PPM1D: variants seen among roughly 807,000 people sequenced by gnomAD.
PPM1D encodes the protein protein phosphatase 1D.
Under a neutral mutation model 58.3 loss-of-function variants are expected in PPM1D, and 52 were observed. The observed-to-expected ratio is 0.89, with a 90% CI of 0.71 to 1.12. PPM1D has a LOEUF of 1.12. PPM1D is among the 50% of genes most tolerant of loss of function. The pLI, the probability that PPM1D is intolerant of heterozygous loss-of-function variation, is 0.00. For missense variants in PPM1D, 564 were observed against 777.2 expected, an observed-to-expected ratio of 0.73 and a Z score of 3.26; for synonymous variants, 278 against 285.1, an observed-to-expected ratio of 0.98 and a Z score of 0.25.
rs201407170 is a variant in PPM1D, at chr17:60,625,152, AAAAAT to A, written c.701+1417_701+1421del. ...GCGAGACTCCATCTCTTAAAAAAAT[AAAAAT>A]AAAATAAAATAAAGTACTAAGGTGC... On this transcript the variant is annotated intron_variant, in intron 2 of 5. Coordinates refer to ENST00000305921, the MANE Select transcript of PPM1D (RefSeq NM_003620.4). Among the ~76,000 whole-genome samples, 1,497 of 152,298 alleles carry A rather than the reference AAAAAT, an allele frequency of 9.8e-3. 14 individuals are homozygous for A. The highest frequency in any genetic ancestry group is 0.032 in the African/African-American group (1,318 of 41,536).
intron 1 of PPM1D, among the ~76,000 whole-genome samples, chr17:60,615,070 G>C (rs2030554666): frequency 6.6e-6 from 1 of 152,084 alleles, no homozygotes; most frequent in African/African-American, 2.4e-5. Context: ...ATTGGTTTTT[G>C]CCTTTATGAC....
intron 1 of PPM1D, among the ~76,000 whole-genome samples, chr17:60,602,121 C>G (rs1404180379): frequency 6.6e-6 from 1 of 152,234 alleles, no homozygotes; most frequent in East Asian, 1.9e-4. Flanking sequence ...GACTCAAAAA[C>G]CAGCCACTAG....
chr17:60,614,738 G>A (rs2030545580), intron 1 of PPM1D, among the ~76,000 whole-genome samples: 1 of 152,126 alleles, frequency 6.6e-6, no homozygotes, highest in Admixed American at 6.5e-5. Context: ...CCACCAGAAG[G>A]AACGAACAAC....
At chr17:60,624,487 G>T (rs1165003374) in intron 2 of PPM1D, among the ~76,000 whole-genome samples, 4 of 152,058 alleles carry the variant, frequency 2.6e-5, no homozygotes, top group Non-Finnish European at 4.4e-5. Context: ...GACAAACTAA[G>T]GAAAATAATT....
chr17:60,663,507 A>G lies in PPM1D; in HGVS notation c.1773A>G (p.Gly591=). Residue 591 remains glycine (G), a synonymous_variant, in exon 6 of 6, where the codon GGA becomes GGG. Coordinates refer to ENST00000305921, the MANE Select transcript of PPM1D (RefSeq NM_003620.4). The part of the protein sequence containing the change: ...RRRLRGQKKI[G]NPLLHQHRKT... The stretch of plus-strand genomic sequence containing the variant: ...GACTTAGGGGCCAGAAGAAAATTGG[A>G]AATCCTTTACTTCATCAACACAGGA... The G allele has an allele frequency of 6.2e-7, 1 of 1,612,566 alleles. No individual in the cohort carries two copies. The highest frequency in any genetic ancestry group is 8.5e-7 in the Non-Finnish European group (1 of 1,180,008).
At chr17:60,616,682 A>T (rs1014620265) in intron 1 of PPM1D, among the ~76,000 whole-genome samples, 47 of 152,226 alleles carry the variant, frequency 3.1e-4, no homozygotes, top group African/African-American at 1.1e-3. Flanking sequence ...TAGTAGGATG[A>T]GTTTAGAAAT....
At chr17:60,634,148 C>T (rs536061336) in intron 3 of PPM1D, among the ~76,000 whole-genome samples, 171 bp downstream of exon 3, 15 of 152,230 alleles carry the variant, frequency 9.9e-5, no homozygotes, top group African/African-American at 2.6e-4. Flanking sequence ...TGGTGGCTCA[C>T]GCTTATAATC....
rs373796775 is a variant in PPM1D, at chr17:60,635,574, C to T, written c.826+1597C>T. 5.9e-5 allele frequency among the ~76,000 whole-genome samples: 9 copies of T among 152,064 alleles called. No individual in the cohort carries two copies. In the East Asian group the frequency reaches 1.4e-3, roughly 23 times the overall value. Reference sequence around the variant, plus strand: ...TTCTGGGTCATAGTATGTTACTTACCAACTGTTTTTGTGTCGTAACACTCA... The same window carrying T: ...TTCTGGGTCATAGTATGTTACTTACTAACTGTTTTTGTGTCGTAACACTCA... On this transcript the variant is annotated intron_variant, in intron 3 of 5. Coordinates refer to ENST00000305921, the MANE Select transcript of PPM1D (RefSeq NM_003620.4).
intron 2 of PPM1D, among the ~76,000 whole-genome samples, chr17:60,628,388 G>T (rs185865667): frequency 5.9e-5 from 9 of 152,068 alleles, no homozygotes; most frequent in Non-Finnish European, 2.9e-5. Context: ...TTTACATTAG[G>T]GTTCACTCCG....
intron 4 of PPM1D, among the ~76,000 whole-genome samples, chr17:60,652,660 C>T (rs965454509): frequency 2.7e-5 from 4 of 148,236 alleles, no homozygotes; most frequent in African/African-American, 9.9e-5. Flanking sequence ...TGCACATCCT[C>T]ACCAGCATCT....
chr17:60,624,477 G>A (rs192213479), intron 2 of PPM1D, among the ~76,000 whole-genome samples: 123 of 152,166 alleles, frequency 8.1e-4, no homozygotes, highest in African/African-American at 2.8e-3. Context: ...GCAGAGAAAC[G>A]ACAAACTAAG....
chr17:60,621,513 G>T (rs1373144944), intron 1 of PPM1D, among the ~76,000 whole-genome samples: 1 of 151,330 alleles, frequency 6.6e-6, no homozygotes, highest in Non-Finnish European at 1.5e-5. Context: ...TCCCACCTCA[G>T]CCTCCTGAGT....
chr17:60,607,882 A>G (rs1374683219), intron 1 of PPM1D, among the ~76,000 whole-genome samples: 1 of 152,252 alleles, frequency 6.6e-6, no homozygotes, highest in African/African-American at 2.4e-5. Context: ...TTCATTTTAA[A>G]AGAGTATGAC....
At position 60,652,550 on chromosome 17, in the gene PPM1D, G is replaced by GTTTTT. The variant is rs776162517; in HGVS notation, c.1018-4028_1018-4024dup. On this transcript the variant is annotated intron_variant, in intron 4 of 5. Transcript: ENST00000305921. ...TTGGATCATATGGTAGTTTACTTCT[G>GTTTTT]TTTTTTTTTTTTTTTTTTTTTTTTT... Among the ~76,000 whole-genome samples, 85 of 67,632 alleles carry GTTTTT rather than the reference G, an allele frequency of 1.3e-3. 1 individual carries two copies. Among genetic ancestry groups the GTTTTT allele is most frequent in the South Asian group, 3.2e-3 (5 of 1,582 alleles). The allele number at this position is 67,632 out of a possible 152,430, so 44.4% of individuals were successfully genotyped here. A position where few individuals can be genotyped will look rare whatever the true frequency, so the allele number is the denominator to read the frequency against.
At position 60,608,561 on chromosome 17, in the gene PPM1D, C is replaced by A. The variant is rs190406106; in HGVS notation, c.472+7675C>A. Among the ~76,000 whole-genome samples, 4 of 152,038 alleles carry A rather than the reference C, an allele frequency of 2.6e-5. No individual in the cohort carries two copies. The East Asian group carries it at 5.8e-4, about 22-fold the overall frequency. On this transcript the variant is annotated intron_variant, in intron 1 of 5. Coordinates refer to ENST00000305921, the MANE Select transcript of PPM1D (RefSeq NM_003620.4). Reference sequence around the variant, plus strand: ...AGCTGAGATCAACGACACTGCACTCCAGCCTGGCAACAGAGCGAGATTCTG... The same window carrying A: ...AGCTGAGATCAACGACACTGCACTCAAGCCTGGCAACAGAGCGAGATTCTG...
At position 60,631,839 on chromosome 17, in the gene PPM1D, G is replaced by T. The variant is rs543635490; in HGVS notation, c.702-2014G>T. Among the ~76,000 whole-genome samples the T allele has an allele frequency of 2.6e-5, 4 of 152,258 alleles. No individual in the cohort carries two copies. In the South Asian group the frequency reaches 8.3e-4, roughly 32 times the overall value. ...CGGTCATGCCAGGCATAGTTTGAGA[G>T]ACCATCTCTAATGTTTTGATTATCA... On this transcript the variant is annotated intron_variant, in intron 2 of 5. Transcript: ENST00000305921.
chr17:60,654,286 TGA>T (rs1338883509), intron 4 of PPM1D, among the ~76,000 whole-genome samples: 1 of 148,480 alleles, frequency 6.7e-6, no homozygotes, highest in African/African-American at 2.5e-5. Flanking sequence ...TTTTTTTTTT[TGA>T]GAGAGAGAGT....
chr17:60,615,381 G>A (rs1398598426), intron 1 of PPM1D, among the ~76,000 whole-genome samples: 1 of 152,010 alleles, frequency 6.6e-6, no homozygotes, highest in African/African-American at 2.4e-5. Context: ...CTGCATTGCA[G>A]CCCGGGTGAC....
At chr17:60,608,896 C>T (rs1407417083) in intron 1 of PPM1D, among the ~76,000 whole-genome samples, 9 of 151,524 alleles carry the variant, frequency 5.9e-5, no homozygotes, top group African/African-American at 1.2e-4. Flanking sequence ...TACAGGCGCC[C>T]GCCACCACGC....
Sources: gnomAD v4.1 joint callset for allele counts (sites outside exome capture counted in the v4.1 genomes callset) on GRCh38, gnomAD v4.1.1 for gene constraint, MANE v1.5 for transcripts, NCBI Gene and HGNC (gene_info 2026-07-23, HGNC 2026-07-21) for gene names.